The following ASAP2 variants were observed in gnomAD, a reference collection of about 807,000 sequenced individuals.
ASAP2 encodes the protein ArfGAP with SH3 domain, ankyrin repeat and PH domain 2.
Under a neutral mutation model 131.4 loss-of-function variants are expected in ASAP2, and 45 were observed. The ratio of observed to expected loss-of-function variants is 0.34; its 90% confidence interval spans 0.27 to 0.44. The LOEUF (loss-of-function observed/expected upper bound fraction) is 0.44. Ranked by LOEUF, ASAP2 falls within the 20% of genes least tolerant of loss-of-function variation. The pLI is 1.00. For synonymous variants in ASAP2, 510 were observed against 503.0 expected, an observed-to-expected ratio of 1.01 and a Z score of -0.19; for missense variants, 1,011 against 1,297.0, an observed-to-expected ratio of 0.78 and a Z score of 3.39.
At position 9,355,539 on chromosome 2, in the gene ASAP2, A is replaced by G. The variant is rs555765089; in HGVS notation, c.1112-508A>G. Among the ~76,000 whole-genome samples, 7 of 152,350 alleles carry G rather than the reference A, an allele frequency of 4.6e-5. No homozygotes were observed. In the East Asian group the frequency reaches 1.2e-3, roughly 25 times the overall value. ...GCTGACACCAGCAGTATGTAAGTGT[A>G]GGATTTTATATTCGACCATTATTTA... On this transcript the variant is annotated intron_variant, in intron 12 of 27. Transcript: ENST00000281419.
At position 9,392,359 on chromosome 2, in the gene ASAP2, T is replaced by C. The variant is rs1409983898; in HGVS notation, c.2519-1123T>C. On this transcript the variant is annotated intron_variant, in intron 23 of 27. Coordinates refer to ENST00000281419, the MANE Select transcript of ASAP2 (RefSeq NM_003887.3). The surrounding 1 kb of genome is among the most constrained non-coding windows in gnomAD (Gnocchi z 4.0). The stretch of plus-strand genomic sequence containing the variant: ...GTGGGGAGTCCAGCATCTCTGGGCT[T>C]CATTGCTTCCAGAGCATGAGAATTC... 6.6e-6 allele frequency among the ~76,000 whole-genome samples: 1 copy of C among 152,190 alleles called. No individual in the cohort carries two copies. Among genetic ancestry groups the C allele is most frequent in the Non-Finnish European group, 1.5e-5 (1 of 68,030 alleles).
intron 9 of ASAP2, among the ~76,000 whole-genome samples, chr2:9,344,136 G>A (rs1482796249): frequency 6.6e-6 from 1 of 152,128 alleles, no homozygotes; most frequent in African/African-American, 2.4e-5. Flanking sequence ...ACAGAAAGCT[G>A]GTTTTGTCGT....
At chr2:9,253,770 C>G (rs1019806412) in intron 1 of ASAP2, among the ~76,000 whole-genome samples, 1 of 152,122 alleles carries the variant, frequency 6.6e-6, no homozygotes, top group African/African-American at 2.4e-5. Flanking sequence ...GAATAATGTT[C>G]TGTTGTATGG....
intron 9 of ASAP2, chr2:9,336,104 C>A (rs1055960719): frequency 6.6e-6 from 1 of 152,118 alleles, no homozygotes; most frequent in African/African-American, 2.4e-5. Context: ...CGTGAACATA[C>A]ATATATATAT....
Position 9,405,516 on chromosome 2 carries a change from C to G in ASAP2, c.*2189C>G, listed in dbSNP as rs1356594726. ...GATGTATGATATTCAGTTCATTCAC[C>G]TGATTACTTTGGTTGCAGCACAACT... On this transcript the variant is annotated 3_prime_UTR_variant, in exon 28 of 28. Coordinates refer to ENST00000281419, the MANE Select transcript of ASAP2 (RefSeq NM_003887.3). 1 of 152,538 alleles carries G rather than the reference C, an allele frequency of 6.6e-6. No individual in the cohort carries two copies. The highest frequency in any genetic ancestry group is 1.5e-5 in the Non-Finnish European group (1 of 68,028). 9.4% of individuals were successfully genotyped at this position (152,538 alleles called of 1,614,324 possible).
chr2:9,275,417 A>C (rs1192684268), intron 1 of ASAP2, among the ~76,000 whole-genome samples: 1 of 152,154 alleles, frequency 6.6e-6, no homozygotes, highest in Non-Finnish European at 1.5e-5. Context: ...TCCTGTAGAC[A>C]CAAGATCACT....
chr2:9,324,357 A>C (rs1288305371), intron 6 of ASAP2, among the ~76,000 whole-genome samples: 1 of 152,206 alleles, frequency 6.6e-6, no homozygotes, highest in Non-Finnish European at 1.5e-5. Flanking sequence ...CATTTTGTCT[A>C]ATGTTAGAAT....
chr2:9,376,511 T>C (rs1049178101), intron 17 of ASAP2, among the ~76,000 whole-genome samples: 8 of 152,214 alleles, frequency 5.3e-5, no homozygotes, highest in Non-Finnish European at 1.0e-4. Flanking sequence ...AAGAAACATA[T>C]GTTTCTACTC....
intron 20 of ASAP2, among the ~76,000 whole-genome samples, chr2:9,383,566 A>T (rs1306794683): frequency 6.6e-6 from 1 of 152,146 alleles, no homozygotes; most frequent in Non-Finnish European, 1.5e-5. Flanking sequence ...ATGGTAAACA[A>T]TTACATTAAT....
chr2:9,235,723 C>T (rs1268066929), intron 1 of ASAP2, among the ~76,000 whole-genome samples: 4 of 152,066 alleles, frequency 2.6e-5, no homozygotes, highest in African/African-American at 9.7e-5. Flanking sequence ...CAGAGTGAGC[C>T]GCATGGCCTG....
chr2:9,294,530 G>C (rs1413515832), intron 2 of ASAP2, among the ~76,000 whole-genome samples: 1 of 152,152 alleles, frequency 6.6e-6, no homozygotes, highest in Non-Finnish European at 1.5e-5. Flanking sequence ...CTATGGTCTG[G>C]GGCAGGTGAC....
chr2:9,280,265 T>C (rs1376129967), intron 2 of ASAP2, among the ~76,000 whole-genome samples: 1 of 152,052 alleles, frequency 6.6e-6, no homozygotes, highest in African/African-American at 2.4e-5. Flanking sequence ...AAAGGGGTGA[T>C]TGGAACAGGA....
intron 12 of ASAP2, 93 bp from the exon 13 acceptor site, chr2:9,355,954 A>G: frequency 6.9e-7 from 1 of 1,459,180 alleles, no homozygotes; most frequent in South Asian, 1.1e-5. Context: ...GAGAGCTAAG[A>G]TTATTCCAGA....
chr2:9,251,985 C>T (rs1325646514), intron 1 of ASAP2, among the ~76,000 whole-genome samples: 5 of 150,898 alleles, frequency 3.3e-5, no homozygotes, highest in African/African-American at 4.9e-5. Flanking sequence ...TTTAGTTCAT[C>T]AGTTATTTGA....
rs1662110592 is a variant in ASAP2, at chr2:9,217,181, C to A, written c.126+9951C>A. ...GCCCTTGGTGTTGCAGCCTCTGTGG[C>A]CAGCATGCCCTCCCTTGCTGTTAGT... On this transcript the variant is annotated intron_variant, in intron 1 of 27. Transcript: ENST00000281419. This position sits in a 1 kb window ranked among gnomAD's most constrained non-coding sequence, Gnocchi z 4.0. Among the ~76,000 whole-genome samples the A allele has an allele frequency of 6.6e-6, 1 of 152,172 alleles. No homozygotes were observed.
chr2:9,263,810 T>A (rs1314168468), intron 1 of ASAP2, among the ~76,000 whole-genome samples: 2 of 152,206 alleles, frequency 1.3e-5, no homozygotes, highest in African/African-American at 4.8e-5. Flanking sequence ...TTGACGGCCG[T>A]CTGGAGGTCA....
chr2:9,299,907 T>C (rs139716137), intron 3 of ASAP2, among the ~76,000 whole-genome samples: 29 of 152,274 alleles, frequency 1.9e-4, no homozygotes, highest in African/African-American at 6.5e-4. Context: ...ACTTTACAGA[T>C]TAGATAACTG....
At chr2:9,292,204 C>T (rs1441817942) in intron 2 of ASAP2, among the ~76,000 whole-genome samples, 2 of 152,036 alleles carry the variant, frequency 1.3e-5, no homozygotes, top group African/African-American at 2.4e-5. Flanking sequence ...TGCCCTGTGG[C>T]GATTTTGAGA....
At chr2:9,401,601 G>C (rs534052152) in intron 27 of ASAP2, among the ~76,000 whole-genome samples, 1 of 152,164 alleles carries the variant, frequency 6.6e-6, no homozygotes, top group African/African-American at 2.4e-5. Flanking sequence ...CCCCAGGGTG[G>C]CTTCCTCCCC....
Sources: gnomAD v4.1 joint callset for allele counts (sites outside exome capture counted in the v4.1 genomes callset) on GRCh38, gnomAD v4.1.1 for gene constraint, Gnocchi (gnomAD v3.1) non-coding constraint, MANE v1.5 for transcripts, NCBI Gene and HGNC (gene_info 2026-07-23, HGNC 2026-07-21) for gene names.